The following WDR7 variants were observed in gnomAD, a reference collection of about 807,000 sequenced individuals.
WDR7 encodes WD repeat-containing protein 7.
WDR7 carries 46 observed loss-of-function variants against 169.4 expected under a neutral mutation model. The ratio of observed to expected loss-of-function variants is 0.27; its 90% CI spans 0.21 to 0.35. The LOEUF (loss-of-function observed/expected upper bound fraction) is 0.35, where lower values mean the gene tolerates loss of function less well. Ranked by LOEUF, WDR7 falls within the 10% of genes least tolerant of loss-of-function variation. WDR7 has a pLI of 1.00. For synonymous variants in WDR7, 612 were observed against 666.8 expected, an observed-to-expected ratio of 0.92 and a Z score of 1.27; for missense variants, 1,534 against 1,859.3, an observed-to-expected ratio of 0.83 and a Z score of 3.22.
chr18:56,681,433 A>C, intron 4 of WDR7, 42 bp downstream of exon 4: 1 of 1,219,552 alleles, frequency 8.2e-7, no homozygotes, highest in Non-Finnish European at 1.1e-6. Context: ...AACTATTATA[A>C]GTATATAATT....
intron 21 of WDR7, among the ~76,000 whole-genome samples, chr18:56,899,840 T>C (rs1471332729): frequency 6.6e-6 from 1 of 152,070 alleles, no homozygotes; most frequent in Non-Finnish European, 1.5e-5. Context: ...AAAGGAGTTT[T>C]ATATTTCCAT....
intron 26 of WDR7, among the ~76,000 whole-genome samples, chr18:57,000,707 T>G (rs1185233794): frequency 1.3e-5 from 2 of 152,168 alleles, no homozygotes; most frequent in Non-Finnish European, 2.9e-5. Context: ...ATAGTTTGGT[T>G]GTTGTTCTAG....
At chr18:56,939,959 A>G (rs189705666) in intron 25 of WDR7, among the ~76,000 whole-genome samples, 13 of 151,364 alleles carry the variant, frequency 8.6e-5, no homozygotes, top group Admixed American at 3.3e-4. Context: ...TATATAGCAT[A>G]TAATTATTAT....
chr18:56,989,331 C>G (rs951321535), intron 26 of WDR7, among the ~76,000 whole-genome samples: 1 of 152,128 alleles, frequency 6.6e-6, no homozygotes, highest in Non-Finnish European at 1.5e-5. Context: ...TTTTCTCAAG[C>G]TCCTCACAAA....
intron 20 of WDR7, among the ~76,000 whole-genome samples, chr18:56,825,771 G>C (rs2045191951): frequency 6.6e-6 from 1 of 152,130 alleles, no homozygotes; most frequent in African/African-American, 2.4e-5. Context: ...ACAAGGAAGT[G>C]TTTGAAATGT....
At chr18:56,964,450 C>A (rs2047379211) in intron 26 of WDR7, among the ~76,000 whole-genome samples, 1 of 152,076 alleles carries the variant, frequency 6.6e-6, no homozygotes, top group Non-Finnish European at 1.5e-5. Context: ...TGGCTCACTG[C>A]AACCTCTTCC....
chr18:56,939,454 A>G, intron 25 of WDR7, 61 bp downstream of exon 25: 1 of 1,340,172 alleles, frequency 7.5e-7, no homozygotes, highest in South Asian at 1.6e-5. Flanking sequence ...AATTTTAAAA[A>G]TTTTTGGCAT....
intron 3 of WDR7, among the ~76,000 whole-genome samples, chr18:56,680,129 G>T (rs2025324352): frequency 6.6e-6 from 1 of 152,130 alleles, no homozygotes; most frequent in Admixed American, 6.5e-5. Flanking sequence ...GGCTGGGATG[G>T]GCGGATCACG....
chr18:56,744,236 C>T lies in WDR7; in HGVS notation c.1990-12347C>T, dbSNP rs554010938. On this transcript the variant is annotated intron_variant, in intron 14 of 27. Coordinates refer to ENST00000254442, the MANE Select transcript of WDR7 (RefSeq NM_015285.3). ...CCTGGGTGACAGAGCGAGACTCCGT[C>T]TCAAAAAAGAAAAAAAAAAAAAAAA... Among the ~76,000 whole-genome samples, 3 of 100,994 alleles carry T rather than the reference C, an allele frequency of 3.0e-5. No homozygotes were observed. The East Asian group carries it at 1.0e-3, about 34-fold the overall frequency. The allele number at this position is 100,994 out of a possible 152,430, so 66.3% of individuals were successfully genotyped here.
intron 21 of WDR7, among the ~76,000 whole-genome samples, chr18:56,897,706 C>T (rs1210805578): frequency 6.6e-6 from 1 of 151,872 alleles, no homozygotes; most frequent in African/African-American, 2.4e-5. Flanking sequence ...AATGTGTACA[C>T]TTTGATTCAG....
chr18:56,798,814 T>C (rs1191125455), intron 19 of WDR7, among the ~76,000 whole-genome samples: 1 of 152,240 alleles, frequency 6.6e-6, no homozygotes, highest in Non-Finnish European at 1.5e-5. Context: ...ATAGATCTTA[T>C]ACATGAGACA....
intron 19 of WDR7, among the ~76,000 whole-genome samples, chr18:56,789,107 C>T (rs962028230): frequency 3.9e-5 from 6 of 152,166 alleles, no homozygotes; most frequent in Non-Finnish European, 5.9e-5. Context: ...AACTGTTCTA[C>T]TTATCTATAT....
intron 15 of WDR7, among the ~76,000 whole-genome samples, 174 bp downstream of exon 15, chr18:56,757,526 A>G (rs961540435): frequency 2.0e-5 from 3 of 152,214 alleles, no homozygotes; most frequent in Admixed American, 6.5e-5. Context: ...CGATTAAAAC[A>G]TAATAAAATT....
At chr18:56,728,878 A>G (rs990191916) in intron 13 of WDR7, among the ~76,000 whole-genome samples, 1 of 151,810 alleles carries the variant, frequency 6.6e-6, no homozygotes, top group Admixed American at 6.6e-5. Flanking sequence ...TTCCCTCTGC[A>G]CCCTCTCAGC....
chr18:56,765,272 T>A (rs1200771664), intron 16 of WDR7, among the ~76,000 whole-genome samples: 1 of 152,142 alleles, frequency 6.6e-6, no homozygotes, highest in East Asian at 1.9e-4. Flanking sequence ...GAATCTGTTA[T>A]CCTACTACCT....
intron 26 of WDR7, among the ~76,000 whole-genome samples, chr18:56,984,868 G>A (rs1293714224): frequency 6.6e-6 from 1 of 152,032 alleles, no homozygotes; most frequent in African/African-American, 2.4e-5. Flanking sequence ...AAGTGGAGCA[G>A]GGCAGTGCCC....
chr18:56,663,428 TAGTG>T (rs1375593380), intron 1 of WDR7, among the ~76,000 whole-genome samples: 1 of 152,222 alleles, frequency 6.6e-6, no homozygotes, highest in Non-Finnish European at 1.5e-5. Flanking sequence ...GTGTTGATAA[TAGTG>T]AGTGTGATAA....
intron 26 of WDR7, among the ~76,000 whole-genome samples, chr18:56,969,654 G>T (rs560618692): frequency 6.6e-6 from 1 of 152,292 alleles, no homozygotes; most frequent in East Asian, 1.9e-4. Context: ...TTAAAATAAT[G>T]AGTGTTGGCT....
chr18:57,006,070 T>C (rs550210637), intron 26 of WDR7, among the ~76,000 whole-genome samples: 12 of 152,380 alleles, frequency 7.9e-5, no homozygotes, highest in African/African-American at 2.9e-4. Flanking sequence ...AATGGAAAGC[T>C]TCTGGTTGAG....
Sources: gnomAD v4.1 joint callset for allele counts (sites outside exome capture counted in the v4.1 genomes callset) on GRCh38, gnomAD v4.1.1 for gene constraint, MANE v1.5 for transcripts, NCBI Gene and HGNC (gene_info 2026-07-23, HGNC 2026-07-21) for gene names.